RGS9: variants seen among roughly 807,000 people sequenced by gnomAD.
RGS9 encodes regulator of G protein signaling 9, also known as regulator of G-protein signalling 9.
Under a neutral mutation model 102.0 loss-of-function variants are expected in RGS9, and 78 were observed. The ratio of observed to expected loss-of-function variants is 0.76; its 90% CI spans 0.64 to 0.92. The LOEUF is 0.92. Ranked by LOEUF, RGS9 falls within the 40% of genes least tolerant of loss-of-function variation. The probability of loss-of-function intolerance (pLI) is 0.00; values close to 1 mark genes in which losing one functional copy is unlikely to be tolerated. For missense variants in RGS9, 833 were observed against 866.1 expected (o/e 0.96, Z 0.48); for synonymous variants, 353 against 318.6 (o/e 1.11, Z -1.15).
At chr17:65,210,414 A>G (rs991820673) in intron 16 of RGS9, 74 bp from the exon 17 acceptor site, 2 of 1,541,520 alleles carry the variant, frequency 1.3e-6, no homozygotes, top group African/African-American at 2.7e-5. Flanking sequence ...CCCAGCTCCC[A>G]TCAAGTGTGA....
chr17:65,193,247 G>T (rs1912447387), intron 11 of RGS9, among the ~76,000 whole-genome samples: 1 of 142,074 alleles, frequency 7.0e-6, no homozygotes, highest in Non-Finnish European at 1.5e-5. Context: ...CTCCAGCTTG[G>T]CTGTCTCAAA....
intron 17 of RGS9, among the ~76,000 whole-genome samples, chr17:65,217,043 G>A (rs993333963): frequency 6.6e-6 from 1 of 152,178 alleles, no homozygotes; most frequent in Non-Finnish European, 1.5e-5. Context: ...AAAGGTGTAA[G>A]AGGAGAGAGA....
At chr17:65,179,270 G>A (rs1466913217) in intron 9 of RGS9, among the ~76,000 whole-genome samples, 1 of 152,010 alleles carries the variant, frequency 6.6e-6, no homozygotes, top group East Asian at 1.9e-4. Context: ...CCCTGGAGAG[G>A]GTCACCGGGG....
chr17:65,137,564 G>A lies in RGS9; in HGVS notation c.24G>A (p.Gln8=). MTIRHQG[Q]QYRPRMAFLQ... ...GGATGACAATCCGACACCAAGGCCA[G>A]CAGTACAGGCCGAGGATGGCATTTC... The change falls in exon 1 of 19, where the codon CAG becomes CAA. Residue 8 remains glutamine (Q), a synonymous_variant. Coordinates refer to ENST00000262406, the MANE Select transcript of RGS9 (RefSeq NM_003835.4). 6.2e-7 allele frequency: 1 copy of A among 1,612,916 alleles called. No individual in the cohort carries two copies. The highest frequency in any genetic ancestry group is 1.9e-4 in the Middle Eastern group (1 of 5,180).
At chr17:65,138,472 C>T (rs145537619) in intron 1 of RGS9, among the ~76,000 whole-genome samples, 6 of 152,088 alleles carry the variant, frequency 3.9e-5, no homozygotes, top group African/African-American at 9.7e-5. Context: ...AGTCAGTGAC[C>T]GCTGTCCTGA....
At chr17:65,203,819 C>G (rs75253636) in intron 14 of RGS9, among the ~76,000 whole-genome samples, 4,677 of 152,322 alleles carry the variant, frequency 0.031, 106 homozygotes, top group Non-Finnish European at 0.052. Flanking sequence ...CAGGTTGCCC[C>G]TGGAATCCTG....
chr17:65,219,199 C>T (rs1272764061), intron 17 of RGS9, among the ~76,000 whole-genome samples: 2 of 152,210 alleles, frequency 1.3e-5, no homozygotes, highest in South Asian at 2.1e-4. Context: ...CTCCAGGTAT[C>T]AGCTCTTTTC....
intron 17 of RGS9, among the ~76,000 whole-genome samples, chr17:65,218,037 G>A (rs188709358): frequency 2.9e-4 from 44 of 152,356 alleles, no homozygotes; most frequent in Admixed American, 5.9e-4. Flanking sequence ...GACAATCACT[G>A]TGAGGCAGTG....
intron 2 of RGS9, among the ~76,000 whole-genome samples, chr17:65,157,453 C>A (rs1251310674): frequency 1.3e-5 from 2 of 151,884 alleles, no homozygotes; most frequent in Non-Finnish European, 2.9e-5. Context: ...CTTGGCTTGC[C>A]TTGACCCTTA....
chr17:65,185,867 T>C (rs1354955737), intron 9 of RGS9, among the ~76,000 whole-genome samples: 1 of 152,182 alleles, frequency 6.6e-6, no homozygotes, highest in African/African-American at 2.4e-5. Context: ...GAAATGAGCA[T>C]GGCAGAAAGT....
intron 9 of RGS9, among the ~76,000 whole-genome samples, chr17:65,186,715 T>C (rs955243057): frequency 1.3e-5 from 2 of 152,200 alleles, no homozygotes; most frequent in Admixed American, 6.5e-5. Flanking sequence ...CCAGGAGGTG[T>C]TGAGAAGTTT....
chr17:65,189,185 G>T, intron 9 of RGS9, 101 bp from the exon 10 acceptor site: 3 of 941,146 alleles, frequency 3.2e-6, no homozygotes, highest in Non-Finnish European at 5.2e-6. Context: ...AAAAAAATGG[G>T]CATTTTTCTC....
intron 6 of RGS9, among the ~76,000 whole-genome samples, chr17:65,161,354 C>G (rs572945646): frequency 6.6e-6 from 1 of 152,178 alleles, no homozygotes; most frequent in Non-Finnish European, 1.5e-5. Context: ...CAGGTTCAAG[C>G]GATTCTCCTG....
At chr17:65,201,972 C>A in intron 13 of RGS9, 21 bp from the exon 14 acceptor site, 1 of 1,560,032 alleles carries the variant, frequency 6.4e-7, no homozygotes, top group Non-Finnish European at 8.8e-7. Context: ...CCCTCATCCA[C>A]GTGGACTTCT....
Position 65,225,411 on chromosome 17 carries a change from T to C in RGS9, c.1817T>C (p.Val606Ala). The change falls in exon 18 of 19, where the codon GTG (valine) becomes GCG (alanine). Residue 606 changes from valine to alanine, a missense_variant. Val to Ala is a moderately conservative substitution (Grantham distance 64). Coordinates refer to ENST00000262406, the MANE Select transcript of RGS9 (RefSeq NM_003835.4). ...AGGCTCTCACCCAAGTGCCCTGCTG[T>C]GTCCCACGGGAGGGTGCAGCCCCTG... ...FARLSPKCPA[V>A]SHGRVQPLGD... is the part of the protein sequence containing the mutation. 1.2e-6 allele frequency: 2 copies of C among 1,611,036 alleles called. No homozygotes were observed. Among genetic ancestry groups the C allele is most frequent in the Non-Finnish European group, 1.7e-6 (2 of 1,180,028 alleles).
rs146258319 is a variant in RGS9 at position 65,178,480 on chromosome 17, CTATTTATTTATT to C, written c.654+692_654+703del. On this transcript the variant is annotated intron_variant, in intron 9 of 18. Transcript: ENST00000262406. ...TGGGCCAGATAATTCTTTTTTTTTC[CTATTTATTTATT>C]TATTTATTTATTTAATTCATTTATT... Among the ~76,000 whole-genome samples, 723 of 150,398 alleles carry C rather than the reference CTATTTATTTATT, an allele frequency of 4.8e-3. 5 individuals are homozygous for C. The highest frequency in any genetic ancestry group is 8.0e-3 in the Non-Finnish European group (541 of 67,748).
intron 6 of RGS9, 89 bp downstream of exon 6, chr17:65,160,998 C>G (rs1910962924): frequency 2.9e-6 from 3 of 1,042,664 alleles, no homozygotes; most frequent in Non-Finnish European, 4.5e-6. Context: ...TCACTACATT[C>G]ATATGCGCCC....
intron 6 of RGS9, 90 bp downstream of exon 6, chr17:65,160,999 A>G (rs2143995486): frequency 9.6e-7 from 1 of 1,043,284 alleles, no homozygotes; most frequent in Non-Finnish European, 1.5e-6. Flanking sequence ...CACTACATTC[A>G]TATGCGCCCA....
At chr17:65,139,133 C>A (rs1477393039) in intron 1 of RGS9, among the ~76,000 whole-genome samples, 1 of 138,860 alleles carries the variant, frequency 7.2e-6, no homozygotes, top group Non-Finnish European at 1.6e-5. Flanking sequence ...CCCTCCTCCA[C>A]CCCAGGTCCT....
Sources: gnomAD v4.1 joint callset for allele counts (sites outside exome capture counted in the v4.1 genomes callset) on GRCh38, gnomAD v4.1.1 for gene constraint, MANE v1.5 for transcripts, NCBI Gene and HGNC (gene_info 2026-07-23, HGNC 2026-07-21) for gene names.